The following CADM2 variants were observed in gnomAD, a reference collection of about 807,000 sequenced individuals.
CADM2 encodes immunoglobulin superfamily member 4D.
Under a neutral mutation model 49.8 loss-of-function variants are expected in CADM2, and 12 were observed. That is an observed-to-expected ratio of 0.24 (90% CI 0.15 to 0.39). The LOEUF is 0.39. CADM2 is among the 10% of genes least tolerant of loss of function. The pLI is 1.00. For synonymous variants in CADM2, 214 were observed against 175.4 expected (o/e 1.22, Z -1.74); for missense variants, 378 against 492.3 (o/e 0.77, Z 2.20).
intron 1 of CADM2, among the ~76,000 whole-genome samples, chr3:84,998,899 T>G (rs2033314023): frequency 6.6e-6 from 1 of 152,174 alleles, no homozygotes; most frequent in African/African-American, 2.4e-5. Context: ...ATTATTTTCT[T>G]CAGATACTCC....
intron 8 of CADM2, among the ~76,000 whole-genome samples, chr3:85,968,969 T>G (rs1248378242): frequency 6.6e-6 from 1 of 151,618 alleles, no homozygotes; most frequent in Non-Finnish European, 1.5e-5. Flanking sequence ...AAATTTTTCC[T>G]TGATTCTATT....
At chr3:85,419,087 C>A (rs1301946533) in intron 1 of CADM2, among the ~76,000 whole-genome samples, 2 of 152,104 alleles carry the variant, frequency 1.3e-5, no homozygotes, top group African/African-American at 4.8e-5. Context: ...TTCATATTTC[C>A]ACATTGTCCA....
chr3:85,850,403 C>A (rs571954100), intron 3 of CADM2, among the ~76,000 whole-genome samples: 1 of 142,706 alleles, frequency 7.0e-6, no homozygotes, highest in East Asian at 2.2e-4. Context: ...CGGCTCACTG[C>A]AAGCTCCGCC....
intron 1 of CADM2, among the ~76,000 whole-genome samples, chr3:85,128,276 C>A (rs1358657062): frequency 6.6e-6 from 1 of 152,060 alleles, no homozygotes; most frequent in East Asian, 1.9e-4. Flanking sequence ...TTTATAATGC[C>A]TAATTTTCTA....
chr3:86,008,817 TATTAATTTTGACG>T (rs374758105), intron 8 of CADM2, among the ~76,000 whole-genome samples: 2,150 of 152,076 alleles, frequency 0.014, 19 homozygotes, highest in Middle Eastern at 0.051. Flanking sequence ...TTTAAAATGC[TATTAATTTTGACG>T]ATTTTTTCCA....
chr3:85,560,215 G>A (rs17459563), intron 1 of CADM2, among the ~76,000 whole-genome samples: 77,913 of 152,042 alleles, frequency 0.51, 23,043 homozygotes, highest in East Asian at 0.85. Flanking sequence ...ACCATGAGGG[G>A]ATTACAGTTT....
chr3:85,310,726 T>G (rs762569029), intron 1 of CADM2, among the ~76,000 whole-genome samples: 1 of 152,158 alleles, frequency 6.6e-6, no homozygotes, highest in Non-Finnish European at 1.5e-5. Flanking sequence ...CTGTTCCTTT[T>G]TGTGTCACCA....
intron 1 of CADM2, among the ~76,000 whole-genome samples, chr3:85,153,982 A>G (rs1339379228): frequency 6.6e-6 from 1 of 152,128 alleles, no homozygotes; most frequent in Non-Finnish European, 1.5e-5. Flanking sequence ...AACCACAAAG[A>G]TGGGGAAAAA....
rs201881387 is a variant in CADM2, at chr3:85,132,642, A to ATT, written c.61+172976_61+172977dup. On this transcript the variant is annotated intron_variant, in intron 1 of 9. Transcript: ENST00000383699. ...AAGGATATATTATATATATATATAT[A>ATT]TTTAGTCATTAGACCCTCTCAGTAA... 2.9e-3 allele frequency among the ~76,000 whole-genome samples: 434 copies of ATT among 151,622 alleles called. 2 individuals are homozygous for ATT. Among genetic ancestry groups the ATT allele is most frequent in the African/African-American group, 1.0e-2 (413 of 41,406 alleles).
At chr3:85,567,458 A>G (rs1180637810) in intron 1 of CADM2, among the ~76,000 whole-genome samples, 1 of 152,204 alleles carries the variant, frequency 6.6e-6, no homozygotes, top group South Asian at 2.1e-4. Flanking sequence ...AAATTAAAAA[A>G]CTAATATGAA....
chr3:84,975,987 T>A (rs2031792451), intron 1 of CADM2, among the ~76,000 whole-genome samples: 1 of 151,908 alleles, frequency 6.6e-6, no homozygotes, highest in Non-Finnish European at 1.5e-5. Context: ...CTTCATTTTC[T>A]ATTGAATGAA....
chr3:85,047,838 T>G (rs964105042), intron 1 of CADM2, among the ~76,000 whole-genome samples: 2 of 152,182 alleles, frequency 1.3e-5, no homozygotes, highest in Non-Finnish European at 2.9e-5. Context: ...TTGAGAAATG[T>G]AAGAATTTAC....
At chr3:85,005,594 C>T (rs914940848) in intron 1 of CADM2, among the ~76,000 whole-genome samples, 2 of 151,874 alleles carry the variant, frequency 1.3e-5, no homozygotes, top group Admixed American at 1.3e-4. Context: ...TTTGTGCATT[C>T]ATAATGATGA....
intron 6 of CADM2, among the ~76,000 whole-genome samples, chr3:85,928,964 A>G (rs890373830): frequency 1.3e-5 from 2 of 152,106 alleles, no homozygotes; most frequent in African/African-American, 4.8e-5. Flanking sequence ...GAAAGGACCA[A>G]TTTTTTAAAG....
chr3:85,346,403 A>G (rs559365999), intron 1 of CADM2, among the ~76,000 whole-genome samples: 96 of 152,258 alleles, frequency 6.3e-4, no homozygotes, highest in African/African-American at 2.3e-3. Context: ...CTTTGTTTAT[A>G]TCCACCTCAG....
intron 1 of CADM2, among the ~76,000 whole-genome samples, chr3:85,497,439 A>T (rs2039950948): frequency 1.3e-5 from 2 of 152,128 alleles, no homozygotes; most frequent in African/African-American, 4.8e-5. Context: ...AAAAATTATA[A>T]AATGTTATAT....
intron 1 of CADM2, among the ~76,000 whole-genome samples, chr3:85,090,245 A>G (rs1014893230): frequency 7.2e-5 from 11 of 152,128 alleles, no homozygotes; most frequent in Admixed American, 6.6e-4. Flanking sequence ...GGATATGTTC[A>G]TTTTATGTGA....
intron 7 of CADM2, among the ~76,000 whole-genome samples, chr3:85,957,131 T>G (rs796317108): frequency 6.6e-6 from 1 of 151,804 alleles, no homozygotes; most frequent in African/African-American, 2.4e-5. Context: ...CTTCAAGAGA[T>G]GTTAACGATG....
At chr3:85,118,429 G>A (rs1236377270) in intron 1 of CADM2, among the ~76,000 whole-genome samples, 2 of 152,122 alleles carry the variant, frequency 1.3e-5, no homozygotes, top group Non-Finnish European at 2.9e-5. Flanking sequence ...GTTCCACGTA[G>A]CTGGGGAGGC....
Sources: allele counts gnomAD v4.1 joint callset (sites outside exome capture counted in the v4.1 genomes callset), GRCh38; gene constraint gnomAD v4.1.1; transcripts MANE v1.5; gene names NCBI Gene and HGNC (gene_info 2026-07-23, HGNC 2026-07-21).